The following ZC3H7B variants were observed in gnomAD, a reference collection of about 807,000 sequenced individuals.
ZC3H7B encodes the protein zinc finger CCCH-type containing 7B.
In ZC3H7B, 35 loss-of-function variants were observed where a neutral mutation model predicts 116.0. The ratio of observed to expected loss-of-function variants is 0.30; its 90% CI spans 0.23 to 0.40. The LOEUF (loss-of-function observed/expected upper bound fraction) is 0.40, where lower values mean the gene tolerates loss of function less well. Ranked by LOEUF, ZC3H7B falls within the 10% of genes least tolerant of loss-of-function variation. The pLI, the probability that ZC3H7B is intolerant of heterozygous loss-of-function variation, is 1.00. For synonymous variants in ZC3H7B, 502 were observed against 545.6 expected (o/e 0.92, Z 1.11); for missense variants, 1,011 against 1,321.5 (o/e 0.77, Z 3.64).
chr22:41,315,069 C>G (rs1401088870), intron 1 of ZC3H7B, among the ~76,000 whole-genome samples: 2 of 151,828 alleles, frequency 1.3e-5, no homozygotes, highest in Non-Finnish European at 1.5e-5. Context: ...CACACGCTTT[C>G]AAGATGCTCA....
chr22:41,310,765 G>GT (rs1176992177), intron 1 of ZC3H7B, among the ~76,000 whole-genome samples: 2 of 151,898 alleles, frequency 1.3e-5, no homozygotes, highest in Non-Finnish European at 2.9e-5. Context: ...TAAAAAGGGA[G>GT]TTTTTTGTTT....
chr22:41,354,079 A>AGGTGGTGGGC (rs1193277300), intron 17 of ZC3H7B, among the ~76,000 whole-genome samples: 2 of 152,192 alleles, frequency 1.3e-5, no homozygotes, highest in Admixed American at 1.3e-4. Context: ...CTGCTATGGC[A>AGGTGGTGGGC]AGGAGCTGGT....
At chr22:41,320,522 A>G in intron 1 of ZC3H7B, 133 bp from the exon 2 acceptor site, 1 of 1,006,080 alleles carries the variant, frequency 9.9e-7, no homozygotes, top group Non-Finnish European at 1.6e-6. Flanking sequence ...GCCCTCAGGG[A>G]CACGCCTCCC....
At chr22:41,350,502 G>A (rs2036642279) in intron 16 of ZC3H7B, among the ~76,000 whole-genome samples, 1 of 152,166 alleles carries the variant, frequency 6.6e-6, no homozygotes, top group Non-Finnish European at 1.5e-5. Flanking sequence ...TGATGCTGGA[G>A]GTGGGAGAAG....
chr22:41,314,354 G>A (rs1385411868), intron 1 of ZC3H7B, among the ~76,000 whole-genome samples: 2 of 148,362 alleles, frequency 1.3e-5, no homozygotes, highest in Non-Finnish European at 3.0e-5. Context: ...ATGGGGTTTC[G>A]CCATGTTGGC....
At position 41,351,502 on chromosome 22, in the gene ZC3H7B, T is replaced by C. The variant is rs1684478668; in HGVS notation, c.1949-59T>C. On this transcript the variant is annotated intron_variant, in intron 16 of 22. Coordinates refer to ENST00000352645, the MANE Select transcript of ZC3H7B (RefSeq NM_017590.6). The surrounding 1 kb of genome is among the most constrained non-coding windows in gnomAD (Gnocchi z 5.1). ...GGTCCCTGGCACCTCGTGGACCCCC[T>C]GCCTCCCTCCTTGCTGAGCACCTTG... is the stretch of plus-strand genomic sequence containing the variant. 6.6e-7 allele frequency: 1 copy of C among 1,523,480 alleles called. No homozygotes were observed. Among genetic ancestry groups the C allele is most frequent in the Admixed American group, 2.0e-5 (1 of 51,266 alleles). The allele number at this position is 1,523,480 out of a possible 1,614,324, so 94.4% of individuals were successfully genotyped here.
At chr22:41,356,921 C>T (rs1331592587) in intron 22 of ZC3H7B, 113 bp downstream of exon 22, 8 of 1,497,350 alleles carry the variant, frequency 5.3e-6, no homozygotes, top group East Asian at 4.6e-5. Context: ...AGTGGTGAGG[C>T]TTGGCTGTGA....
In ZC3H7B at chr22:41,302,629, TCCTCCTTTCC is replaced by T. The variant is rs1180313933; in HGVS notation, c.-7+867_-7+876del. On this transcript the variant is annotated intron_variant, in intron 1 of 22. Transcript: ENST00000352645. The surrounding 1 kb of genome is among the most constrained non-coding windows in gnomAD (Gnocchi z 5.7). ...AGGGCCCCCCTCCGGGTTTGCTCCC[TCCTCCTTTCC>T]CCTCCTTTCTCCTCAACTCTGTCTG... is the stretch of plus-strand genomic sequence containing the variant. Among the ~76,000 whole-genome samples, 3 of 152,158 alleles carry T rather than the reference TCCTCCTTTCC, an allele frequency of 2.0e-5. No individual in the cohort carries two copies. The highest frequency in any genetic ancestry group is 4.4e-5 in the Non-Finnish European group (3 of 68,018).
In ZC3H7B at chr22:41,346,410, C is replaced by G. The variant is rs914044091; in HGVS notation, c.1665+202C>G. On this transcript the variant is annotated intron_variant, in intron 14 of 22. Transcript: ENST00000352645. This position sits in a 1 kb window ranked among gnomAD's most constrained non-coding sequence, Gnocchi z 5.3. ...TGCTAGAGGCCAGATCTGATCCAGC[C>G]CCCTCATTTTGCAGAGGCAGAAACT... 6.6e-6 allele frequency among the ~76,000 whole-genome samples: 1 copy of G among 152,190 alleles called. No homozygotes were observed. Among genetic ancestry groups the G allele is most frequent in the Admixed American group, 6.5e-5 (1 of 15,270 alleles).
chr22:41,356,043 C>T lies in ZC3H7B; in HGVS notation c.2364C>T (p.Thr788=), dbSNP rs556581956. The T allele has an allele frequency of 4.5e-6, 7 of 1,568,012 alleles. No individual in the cohort carries two copies. Among genetic ancestry groups the T allele is most frequent in the African/African-American group, 1.4e-5 (1 of 72,534 alleles). Residue 788 remains threonine (T), a synonymous_variant, in exon 20 of 23, where the codon ACC becomes ACT. Coordinates refer to ENST00000352645, the MANE Select transcript of ZC3H7B (RefSeq NM_017590.6). ...GCCCGGAGGAGAGGGACATGTGGAC[C>T]TTCATGAAGGAGAACAAGAGTGAGT... ...AHSPEERDMW[T]FMKENKILDM...
chr22:41,330,985 C>T (rs1323418934), intron 6 of ZC3H7B, among the ~76,000 whole-genome samples: 3 of 144,660 alleles, frequency 2.1e-5, no homozygotes, highest in Non-Finnish European at 3.0e-5. Flanking sequence ...TCTTCTGCCT[C>T]GGCCTCTCCG....
In ZC3H7B at chr22:41,320,728, G is replaced by T. The variant is rs990418130; in HGVS notation, c.53+15G>T. ...CAGTTCATTCAGTAAGCCTGCATGC[G>T]GCAGGGGCTGGACGGCTGGGTGGGC... is the stretch of plus-strand genomic sequence containing the variant. On this transcript the variant is annotated intron_variant, in intron 2 of 22. Coordinates refer to ENST00000352645, the MANE Select transcript of ZC3H7B (RefSeq NM_017590.6). 3.7e-6 allele frequency: 6 copies of T among 1,613,674 alleles called. No individual in the cohort carries two copies. Among genetic ancestry groups the T allele is most frequent in the Non-Finnish European group, 5.1e-6 (6 of 1,179,800 alleles).
chr22:41,349,462 C>G lies in ZC3H7B; in HGVS notation c.1948+161C>G, dbSNP rs986308966. Among the ~76,000 whole-genome samples the G allele has an allele frequency of 6.6e-6, 1 of 152,070 alleles. No individual in the cohort carries two copies. The highest frequency in any genetic ancestry group is 1.5e-5 in the Non-Finnish European group (1 of 67,976). On this transcript the variant is annotated intron_variant, in intron 16 of 22. Coordinates refer to ENST00000352645, the MANE Select transcript of ZC3H7B (RefSeq NM_017590.6). The surrounding 1 kb of genome is among the most constrained non-coding windows in gnomAD (Gnocchi z 4.9). ...AGGAGAGGTGGCTGCGGGGTGGGCT[C>G]TCTGTGTGTCCCAGGCACCACAGAG...
intron 10 of ZC3H7B, 90 bp downstream of exon 10, chr22:41,340,227 C>T: frequency 7.3e-7 from 1 of 1,360,756 alleles, no homozygotes; most frequent in South Asian, 1.4e-5. Flanking sequence ...AGTTGAGTTA[C>T]AGATCTGTTT....
chr22:41,348,541 C>T (rs1166519618), intron 15 of ZC3H7B, among the ~76,000 whole-genome samples: 1 of 152,204 alleles, frequency 6.6e-6, no homozygotes. Context: ...CCTCCAATGT[C>T]ATGACATCAG....
rs1424149333 is a variant in ZC3H7B, at chr22:41,302,388, G to C, written c.-7+616G>C. Among the ~76,000 whole-genome samples, 1 of 152,102 alleles carries C rather than the reference G, an allele frequency of 6.6e-6. No homozygotes were observed. Among genetic ancestry groups the C allele is most frequent in the Non-Finnish European group, 1.5e-5 (1 of 67,986 alleles). ...CGGGAAGGGGGCGGCAGGAAAGGGG[G>C]GCGCGGTCTGGGCCTGCTGGGCAGG... is the stretch of plus-strand genomic sequence containing the variant. On this transcript the variant is annotated intron_variant, in intron 1 of 22. Transcript: ENST00000352645. This position sits in a 1 kb window ranked among gnomAD's most constrained non-coding sequence, Gnocchi z 5.7.
At chr22:41,326,063 G>T in intron 4 of ZC3H7B, 145 bp downstream of exon 4, 1 of 977,732 alleles carries the variant, frequency 1.0e-6, no homozygotes, top group South Asian at 1.7e-5. Flanking sequence ...GTCTGTTCTC[G>T]TGGCTCTTAA....
intron 1 of ZC3H7B, 72 bp from the exon 2 acceptor site, chr22:41,320,583 C>T (rs1251533594): frequency 3.2e-6 from 5 of 1,562,268 alleles, no homozygotes; most frequent in Non-Finnish European, 2.6e-6. Context: ...ATCACAGGAC[C>T]CACGAAGTGG....
At chr22:41,337,937 G>A (rs1050200560) in intron 7 of ZC3H7B, among the ~76,000 whole-genome samples, 8 of 150,624 alleles carry the variant, frequency 5.3e-5, no homozygotes, top group African/African-American at 7.3e-5. Flanking sequence ...GCATGATCTC[G>A]GCTCACTGCA....
Sources: allele counts gnomAD v4.1 joint callset (sites outside exome capture counted in the v4.1 genomes callset), GRCh38; gene constraint gnomAD v4.1.1; non-coding constraint Gnocchi (gnomAD v3.1); transcripts MANE v1.5; gene names NCBI Gene and HGNC (gene_info 2026-07-23, HGNC 2026-07-21).